Variants in TMEM132C observed in about 807,000 individuals in gnomAD.
TMEM132C encodes the protein transmembrane protein 132C, also known as protein phosphatase 1, regulatory subunit 152.
A neutral mutation model predicts 61.4 loss-of-function variants in TMEM132C; 29 were observed. The observed-to-expected ratio is 0.47, with a 90% CI of 0.35 to 0.64. The LOEUF (loss-of-function observed/expected upper bound fraction) is 0.64, where lower values mean the gene tolerates loss of function less well. TMEM132C is among the 30% of genes least tolerant of loss of function. TMEM132C has a pLI of 0.00. For missense variants in TMEM132C, 1,408 were observed against 1,476.9 expected (o/e 0.95, Z 0.76); for synonymous variants, 656 against 633.1 (o/e 1.04, Z -0.54).
intron 2 of TMEM132C, among the ~76,000 whole-genome samples, chr12:128,504,132 T>A (rs1382079971): frequency 6.6e-6 from 1 of 152,110 alleles, no homozygotes; most frequent in Non-Finnish European, 1.5e-5. Context: ...AGCATGGTGG[T>A]CTCAGGACAG....
chr12:128,409,153 G>A (rs1326949431), intron 1 of TMEM132C, among the ~76,000 whole-genome samples: 1 of 152,196 alleles, frequency 6.6e-6, no homozygotes, highest in Non-Finnish European at 1.5e-5. Context: ...TGAGTGTGTA[G>A]CAAGTTCTTA....
intron 1 of TMEM132C, among the ~76,000 whole-genome samples, chr12:128,350,623 C>T (rs1873309437): frequency 1.3e-5 from 2 of 152,016 alleles, no homozygotes; most frequent in South Asian, 4.2e-4. Context: ...GTGGGGGATG[C>T]ATCAGGGACA....
intron 4 of TMEM132C, among the ~76,000 whole-genome samples, chr12:128,617,828 G>T (rs1214376046): frequency 2.0e-5 from 3 of 152,162 alleles, no homozygotes; most frequent in Admixed American, 6.5e-5. Context: ...GTGCACCCCA[G>T]AAGGTATCAT....
At chr12:128,563,633 A>C (rs544690309) in intron 3 of TMEM132C, among the ~76,000 whole-genome samples, 1 of 152,228 alleles carries the variant, frequency 6.6e-6, no homozygotes, top group East Asian at 1.9e-4. Flanking sequence ...GTCTGATGTG[A>C]TTGAATTTGG....
At chr12:128,305,497 G>A (rs1871740307) in intron 1 of TMEM132C, among the ~76,000 whole-genome samples, 3 of 150,602 alleles carry the variant, frequency 2.0e-5, no homozygotes, top group South Asian at 4.2e-4. Context: ...AGTTTCCGCC[G>A]AACTTTAGAT....
chr12:128,587,323 C>A (rs2135563703), intron 3 of TMEM132C, among the ~76,000 whole-genome samples: 1 of 152,310 alleles, frequency 6.6e-6, no homozygotes. Context: ...CCGGTGAGGG[C>A]TCCCTTCCTC....
At chr12:128,580,918 T>C (rs1875310134) in intron 3 of TMEM132C, among the ~76,000 whole-genome samples, 2 of 152,296 alleles carry the variant, frequency 1.3e-5, no homozygotes, top group South Asian at 4.1e-4. Context: ...TTTAGTGGCA[T>C]TCATGGCCCT....
At chr12:128,557,459 C>T (rs1874367960) in intron 3 of TMEM132C, among the ~76,000 whole-genome samples, 1 of 152,218 alleles carries the variant, frequency 6.6e-6, no homozygotes, top group Admixed American at 6.5e-5. Flanking sequence ...ATACTCTGGC[C>T]TCTGACATAA....
rs572818710 is a variant in TMEM132C at position 128,646,982 on chromosome 12, G to C, written c.1306-22435G>C. Among the ~76,000 whole-genome samples the C allele has an allele frequency of 2.7e-5, 4 of 150,324 alleles. No individual in the cohort carries two copies. The East Asian group carries it at 8.0e-4, about 30-fold the overall frequency. On this transcript the variant is annotated intron_variant, in intron 4 of 8. Transcript: ENST00000435159. ...GTTGGATGTGAGTGTGTTTACTGGA[G>C]TCCATCAGCATTGGATGTGAGTGTG...
intron 2 of TMEM132C, among the ~76,000 whole-genome samples, chr12:128,474,971 G>C (rs568329234): frequency 6.6e-6 from 1 of 152,236 alleles, no homozygotes; most frequent in South Asian, 2.1e-4. Context: ...CTTTGCCCGG[G>C]ACAATGACTT....
chr12:128,666,180 CACAT>C (rs1245882704), intron 4 of TMEM132C, among the ~76,000 whole-genome samples: 6 of 149,614 alleles, frequency 4.0e-5, no homozygotes, highest in African/African-American at 1.5e-4. Context: ...GGCACACACA[CACAT>C]ACACACAGGC....
intron 1 of TMEM132C, among the ~76,000 whole-genome samples, chr12:128,368,931 A>T (rs1042512529): frequency 3.9e-5 from 6 of 152,138 alleles, no homozygotes; most frequent in Admixed American, 6.5e-5. Context: ...ATTCCCTGAG[A>T]TCACTAGGGA....
chr12:128,664,034 CCACA>C (rs562246907), intron 4 of TMEM132C, among the ~76,000 whole-genome samples: 3 of 123,624 alleles, frequency 2.4e-5, no homozygotes, highest in African/African-American at 6.1e-5. Flanking sequence ...GCACACGCAC[CCACA>C]CGCACGCACG....
chr12:128,393,140 C>T (rs79186838), intron 1 of TMEM132C, among the ~76,000 whole-genome samples: 4,862 of 152,226 alleles, frequency 0.032, 274 homozygotes, highest in African/African-American at 0.11. Context: ...GCTTTATTGA[C>T]CCCTACTTGT....
rs140965684 is a variant in TMEM132C at position 128,392,582 on chromosome 12, T to C, written c.86-22150T>C. ...AGACACAGGGAGAAGGAAGGGCCAG[T>C]GTTGGCCAAGGGTATCAAAGAAGAC... On this transcript the variant is annotated intron_variant, in intron 1 of 8. Coordinates refer to ENST00000435159, the MANE Select transcript of TMEM132C (RefSeq NM_001136103.3). Among the ~76,000 whole-genome samples the C allele has an allele frequency of 3.9e-3, 595 of 152,194 alleles. 1 individual carries two copies. The highest frequency in any genetic ancestry group is 6.9e-3 in the Non-Finnish European group (472 of 68,002).
chr12:128,647,433 CT>C (rs753724004), intron 4 of TMEM132C, among the ~76,000 whole-genome samples: 1 of 149,176 alleles, frequency 6.7e-6, no homozygotes, highest in African/African-American at 2.5e-5. Context: ...TTACTAGCCC[CT>C]ATCAGCGTTG....
At chr12:128,596,481 T>G (rs1248275999) in intron 3 of TMEM132C, among the ~76,000 whole-genome samples, 4 of 148,450 alleles carry the variant, frequency 2.7e-5, no homozygotes, top group Non-Finnish European at 5.9e-5. Flanking sequence ...CCATGTTCTC[T>G]CCGTCACACT....
chr12:128,602,076 A>C (rs576663936), intron 3 of TMEM132C, among the ~76,000 whole-genome samples: 8 of 152,262 alleles, frequency 5.3e-5, no homozygotes, highest in African/African-American at 9.6e-5. Flanking sequence ...TTAGTTGGGC[A>C]TGGTGGTCAG....
At chr12:128,308,614 A>G (rs897054888) in intron 1 of TMEM132C, among the ~76,000 whole-genome samples, 2 of 152,134 alleles carry the variant, frequency 1.3e-5, no homozygotes, top group Non-Finnish European at 2.9e-5. Flanking sequence ...TTCAGGAGCA[A>G]TTCCTTAGGC....
Sources: allele counts gnomAD v4.1 joint callset (sites outside exome capture counted in the v4.1 genomes callset), GRCh38; gene constraint gnomAD v4.1.1; transcripts MANE v1.5; gene names NCBI Gene and HGNC (gene_info 2026-07-23, HGNC 2026-07-21).